DPM1: variants seen among roughly 807,000 people sequenced by gnomAD.
DPM1 encodes dolichyl-phosphate mannosyltransferase subunit 1, catalytic, also known as dolichol-phosphate mannosyltransferase subunit 1.
A neutral mutation model predicts 39.0 loss-of-function variants in DPM1; 27 were observed. The ratio of observed to expected loss-of-function variants is 0.69; its 90% CI spans 0.51 to 0.95. The LOEUF is 0.95. Among genes scored for constraint, DPM1 ranks in the 40% least tolerant of loss-of-function variants. DPM1 has a pLI of 0.00. For missense variants in DPM1, 307 were observed against 315.6 expected (o/e 0.97, Z 0.21); for synonymous variants, 124 against 109.0 (o/e 1.14, Z -0.86).
rs141104808 is a variant in DPM1, at chr20:50,958,506, G to C, written c.18C>G (p.Val6=). 4.7e-5 allele frequency: 76 copies of C among 1,613,832 alleles called. No individual in the cohort carries two copies. The African/African-American group carries it at 5.5e-4, about 12-fold the overall frequency. The change falls in exon 1 of 9, where the codon GTC becomes GTG. Residue 6 remains valine (V), a synonymous_variant. Coordinates refer to ENST00000371588, the MANE Select transcript of DPM1 (RefSeq NM_003859.3). MASLE[V]SRSPRRSRRE... is the part of the protein sequence containing the mutation. ...GCCGAGACCTGCGAGGACTACGACT[G>C]ACTTCCAAGGAGGCCATGGCGGAAC...
chr20:50,958,010 C>A (rs1271344022), intron 1 of DPM1, among the ~76,000 whole-genome samples: 1 of 152,262 alleles, frequency 6.6e-6, no homozygotes, highest in Non-Finnish European at 1.5e-5. Flanking sequence ...GGACTCCCGG[C>A]TCTTGCCGCA....
At chr20:50,945,705 T>G (rs773414709) in intron 5 of DPM1, 32 bp downstream of exon 5, 20 of 1,508,912 alleles carry the variant, frequency 1.3e-5, no homozygotes, top group Non-Finnish European at 1.7e-5. Flanking sequence ...TTTCCAGTCA[T>G]ATTTCTTTCA....
chr20:50,958,232 C>G lies in DPM1; in HGVS notation c.161+131G>C. 4 of 1,207,330 alleles carry G rather than the reference C, an allele frequency of 3.3e-6. No homozygotes were observed. The South Asian group carries it at 5.2e-5, about 16-fold the overall frequency. 74.8% of individuals were successfully genotyped at this position (1,207,330 alleles called of 1,614,324 possible). On this transcript the variant is annotated intron_variant, in intron 1 of 8. Transcript: ENST00000371588. ...CGCCTCTGCTTCCCTCGCAGGGTGGCCCTCTCCCCGGGCCTTCCTGTGTGA... is the reference window on the plus strand; with the variant it reads ...CGCCTCTGCTTCCCTCGCAGGGTGGGCCTCTCCCCGGGCCTTCCTGTGTGA...
At chr20:50,953,778 T>G (rs556349268) in intron 2 of DPM1, among the ~76,000 whole-genome samples, 1 of 152,212 alleles carries the variant, frequency 6.6e-6, no homozygotes, top group Non-Finnish European at 1.5e-5. Context: ...TGTTGTCTGG[T>G]TGATGGTCCG....
At chr20:50,938,279 G>T (rs1985384368) in intron 7 of DPM1, among the ~76,000 whole-genome samples, 1 of 151,906 alleles carries the variant, frequency 6.6e-6, no homozygotes, top group Non-Finnish European at 1.5e-5. Flanking sequence ...TAAATCTAGG[G>T]ATTTAATGAC....
In DPM1 at chr20:50,951,942, T is replaced by G. The variant is rs1243791278; in HGVS notation, c.261+3244A>C. Among the ~76,000 whole-genome samples the G allele has an allele frequency of 9.2e-5, 14 of 152,294 alleles. No homozygotes were observed. The East Asian group carries it at 2.7e-3, about 29-fold the overall frequency. On this transcript the variant is annotated intron_variant, in intron 2 of 8. Coordinates refer to ENST00000371588, the MANE Select transcript of DPM1 (RefSeq NM_003859.3). ...TTGGTATGCTTTACTTTCAGACTCT[T>G]AATTCCACCTCTCCACCCTCCCCTG...
chr20:50,942,702 TC>T (rs2123101188), intron 5 of DPM1, among the ~76,000 whole-genome samples: 1 of 152,228 alleles, frequency 6.6e-6, no homozygotes, highest in African/African-American at 2.4e-5. Flanking sequence ...CCAATACCCT[TC>T]CATTCTGTTC....
intron 1 of DPM1, among the ~76,000 whole-genome samples, chr20:50,957,846 C>T (rs1200604857): frequency 6.6e-6 from 1 of 152,166 alleles, no homozygotes; most frequent in Non-Finnish European, 1.5e-5. Context: ...AACAATCACA[C>T]CAAACATCCA....
In DPM1 at chr20:50,935,018, A is replaced by C. The variant is rs1985024296; in HGVS notation, c.*114T>G. The C allele has an allele frequency of 4.6e-6, 3 of 653,756 alleles. No homozygotes were observed. The highest frequency in any genetic ancestry group is 8.1e-6 in the Non-Finnish European group (3 of 369,454). 40.5% of individuals were successfully genotyped at this position (653,756 alleles called of 1,614,324 possible). A position where few individuals can be genotyped will look rare whatever the true frequency, so the allele number is the denominator to read the frequency against. ...GTGGTCTTCATAAAAAGATGCATGA[A>C]ATTTACCTTACCTTATATTTTATAC... On this transcript the variant is annotated 3_prime_UTR_variant, in exon 9 of 9. Coordinates refer to ENST00000371588, the MANE Select transcript of DPM1 (RefSeq NM_003859.3).
At chr20:50,956,626 A>T (rs1177399304) in intron 1 of DPM1, among the ~76,000 whole-genome samples, 1 of 152,248 alleles carries the variant, frequency 6.6e-6, no homozygotes, top group Non-Finnish European at 1.5e-5. Flanking sequence ...AGTCAGCCCC[A>T]GCAAACTTTG....
intron 2 of DPM1, among the ~76,000 whole-genome samples, chr20:50,951,600 C>A (rs1986581967): frequency 6.6e-6 from 1 of 152,098 alleles, no homozygotes; most frequent in Non-Finnish European, 1.5e-5. Context: ...AAGAGCCTGA[C>A]CAACACGGTG....
chr20:50,954,252 AC>A (rs1304899027), intron 2 of DPM1, among the ~76,000 whole-genome samples: 1 of 152,162 alleles, frequency 6.6e-6, no homozygotes, highest in African/African-American at 2.4e-5. Context: ...CTTTCTCTAT[AC>A]CAATGGTTCT....
At chr20:50,956,054 A>G (rs977225669) in intron 1 of DPM1, among the ~76,000 whole-genome samples, 7 of 152,220 alleles carry the variant, frequency 4.6e-5, no homozygotes, top group African/African-American at 1.7e-4. Flanking sequence ...CTTTAAAAAA[A>G]CCGATTTTAG....
intron 7 of DPM1, among the ~76,000 whole-genome samples, chr20:50,937,142 A>G (rs994738798): frequency 1.3e-5 from 2 of 151,656 alleles, no homozygotes; most frequent in African/African-American, 4.9e-5. Context: ...AAGAAGAGGC[A>G]GTTTGGTGTA....
intron 3 of DPM1, among the ~76,000 whole-genome samples, chr20:50,948,350 A>G (rs752576002): frequency 2.0e-5 from 3 of 152,166 alleles, no homozygotes; most frequent in Non-Finnish European, 4.4e-5. Context: ...TAGTAGCCTC[A>G]CTGCTCCATT....
At chr20:50,946,065 T>G in intron 3 of DPM1, 142 bp from the exon 4 acceptor site, 1 of 738,158 alleles carries the variant, frequency 1.4e-6, no homozygotes, top group Admixed American at 2.1e-5. Flanking sequence ...TTTTTCACCT[T>G]AAGTACATAA....
At chr20:50,942,885 AC>A (rs1434254509) in intron 5 of DPM1, among the ~76,000 whole-genome samples, 1 of 152,208 alleles carries the variant, frequency 6.6e-6, no homozygotes, top group Non-Finnish European at 1.5e-5. Context: ...AGTTAACAAT[AC>A]ATATCATGGG....
chr20:50,949,832 C>T (rs914457306), intron 2 of DPM1, among the ~76,000 whole-genome samples: 1 of 151,768 alleles, frequency 6.6e-6, no homozygotes. Flanking sequence ...TTTTTCCATC[C>T]CTTCACTTTG....
chr20:50,936,356 C>A (rs976963283), intron 7 of DPM1, 94 bp from the exon 8 acceptor site: 37 of 802,978 alleles, frequency 4.6e-5, no homozygotes, highest in Middle Eastern at 5.4e-4. Context: ...TGTATAAAGC[C>A]TAAAACTTTC....
Sources: allele counts gnomAD v4.1 joint callset (sites outside exome capture counted in the v4.1 genomes callset), GRCh38; gene constraint gnomAD v4.1.1; transcripts MANE v1.5; gene names NCBI Gene and HGNC (gene_info 2026-07-23, HGNC 2026-07-21).